Variants in AK7 observed in about 807,000 individuals in gnomAD.
AK7 encodes adenylate kinase 7.
Under a neutral mutation model 96.6 loss-of-function variants are expected in AK7, and 78 were observed. The ratio of observed to expected loss-of-function variants is 0.81; its 90% CI spans 0.67 to 0.97. AK7 has a LOEUF of 0.97. Ranked by LOEUF, AK7 falls within the 50% of genes least tolerant of loss-of-function variation. The pLI, the probability that AK7 is intolerant of heterozygous loss-of-function variation, is 0.00. For synonymous variants in AK7, 302 were observed against 317.2 expected, an observed-to-expected ratio of 0.95 and a Z score of 0.51; for missense variants, 855 against 887.9, an observed-to-expected ratio of 0.96 and a Z score of 0.47.
At chr14:96,449,526 C>T (rs1893458968) in intron 8 of AK7, among the ~76,000 whole-genome samples, 1 of 152,200 alleles carries the variant, frequency 6.6e-6, no homozygotes, top group Admixed American at 6.5e-5. Flanking sequence ...CTCTGTCTCT[C>T]AGGTTCAAGC....
At chr14:96,456,238 C>CAA (rs56356389) in intron 10 of AK7, 109 bp from the exon 11 acceptor site, 163 of 397,892 alleles carry the variant, frequency 4.1e-4, no homozygotes, top group South Asian at 7.9e-4. Flanking sequence ...GACTCTGTCT[C>CAA]AAAAAAAAAA....
chr14:96,473,706 A>C (rs1895029188), intron 14 of AK7, among the ~76,000 whole-genome samples: 2 of 152,198 alleles, frequency 1.3e-5, no homozygotes. Context: ...CCCTGTGGGA[A>C]CGTTGTCTTC....
In AK7 at chr14:96,454,003, G is replaced by A. The variant is rs138201063; in HGVS notation, c.1099-2344G>A. On this transcript the variant is annotated intron_variant, in intron 10 of 17. Coordinates refer to ENST00000267584, the MANE Select transcript of AK7 (RefSeq NM_152327.5). Reference sequence around the variant, plus strand: ...CTGCCTGCCATCATCCCTATCTGACGGGGCCGCACTCCTCACCAGAACCAT... The same window carrying A: ...CTGCCTGCCATCATCCCTATCTGACAGGGCCGCACTCCTCACCAGAACCAT... 2.6e-4 allele frequency among the ~76,000 whole-genome samples: 40 copies of A among 152,082 alleles called. No individual in the cohort carries two copies. The East Asian group carries it at 4.7e-3, about 18-fold the overall frequency.
At chr14:96,457,516 A>G (rs1893999887) in intron 11 of AK7, among the ~76,000 whole-genome samples, 1 of 152,140 alleles carries the variant, frequency 6.6e-6, no homozygotes, top group African/African-American at 2.4e-5. Context: ...TGAAAACACA[A>G]CACTCTACAG....
chr14:96,485,529 A>C (rs1339923408), intron 16 of AK7, among the ~76,000 whole-genome samples: 1 of 152,196 alleles, frequency 6.6e-6, no homozygotes, highest in Non-Finnish European at 1.5e-5. Flanking sequence ...TGGTGACTAA[A>C]GAGGTAATAT....
Position 96,438,230 on chromosome 14 carries a change from G to A in AK7, c.690+315G>A, listed in dbSNP as rs10138447. On this transcript the variant is annotated intron_variant, in intron 6 of 17. Coordinates refer to ENST00000267584, the MANE Select transcript of AK7 (RefSeq NM_152327.5). ...AAAATAATAAAGTCCCTCCTCTTGC[G>A]AAGCTTACATTCTAGGGGGATGGAG... 2.6e-3 allele frequency among the ~76,000 whole-genome samples: 403 copies of A among 152,258 alleles called. 3 individuals are homozygous for A. Among genetic ancestry groups the A allele is most frequent in the African/African-American group, 4.9e-3 (202 of 41,554 alleles).
At position 96,392,227 on chromosome 14, in the gene AK7, T is replaced by C. The variant is rs768148434; in HGVS notation, c.73T>C (p.Leu25=). 8.1e-6 allele frequency: 13 copies of C among 1,613,458 alleles called. No individual in the cohort carries two copies. In the East Asian group the frequency reaches 2.9e-4, roughly 36 times the overall value. ...GACCCAGAGGGTGTTTATAAACCTG[T>C]TGGATTCCTACAGCAGCGGAAACAT... ...IRTQRVFINL[L]DSYSSGNIGK... The change falls in exon 1 of 18, where the codon TTG becomes CTG. Residue 25 remains leucine (L), a synonymous_variant. Coordinates refer to ENST00000267584, the MANE Select transcript of AK7 (RefSeq NM_152327.5).
At chr14:96,414,763 T>G (rs1595383587) in intron 4 of AK7, among the ~76,000 whole-genome samples, 2 of 145,008 alleles carry the variant, frequency 1.4e-5, no homozygotes, top group African/African-American at 5.1e-5. Context: ...CCTTCTTTTT[T>G]TTTTTTTTTT....
At chr14:96,405,058 A>T in intron 3 of AK7, 193 bp downstream of exon 3, 1 of 329,028 alleles carries the variant, frequency 3.0e-6, no homozygotes, top group Non-Finnish European at 5.6e-6. Flanking sequence ...ATTATCAAAA[A>T]AATGAAGGCC....
intron 5 of AK7, among the ~76,000 whole-genome samples, chr14:96,421,230 T>C (rs1891672268): frequency 1.3e-5 from 2 of 152,180 alleles, no homozygotes; most frequent in Admixed American, 1.3e-4. Flanking sequence ...ACATTTTCCC[T>C]GTTCCCAGAA....
At chr14:96,408,085 T>A (rs1478465086) in intron 3 of AK7, among the ~76,000 whole-genome samples, 2 of 152,202 alleles carry the variant, frequency 1.3e-5, no homozygotes, top group Non-Finnish European at 2.9e-5. Flanking sequence ...CGTTTCTGCC[T>A]TATCAGTGCT....
intron 14 of AK7, among the ~76,000 whole-genome samples, chr14:96,477,675 C>T (rs908067272): frequency 3.9e-5 from 6 of 152,336 alleles, no homozygotes; most frequent in South Asian, 2.1e-4. Context: ...AAATGGTCAT[C>T]ATTATTAACA....
chr14:96,430,480 G>A (rs922129812), intron 5 of AK7, among the ~76,000 whole-genome samples: 5 of 152,202 alleles, frequency 3.3e-5, no homozygotes, highest in South Asian at 2.1e-4. Flanking sequence ...GAGCCACCAC[G>A]CCTGGCCAGG....
chr14:96,405,659 C>T (rs757854581), intron 3 of AK7, among the ~76,000 whole-genome samples: 18 of 152,054 alleles, frequency 1.2e-4, no homozygotes, highest in Non-Finnish European at 2.4e-4. Flanking sequence ...AAGGGGGGTG[C>T]GCTCACAAGG....
chr14:96,394,472 A>G (rs1473424467), intron 1 of AK7, among the ~76,000 whole-genome samples: 1 of 152,196 alleles, frequency 6.6e-6, no homozygotes, highest in East Asian at 1.9e-4. Flanking sequence ...GAAGGGGCCC[A>G]GGGAGCCCAG....
intron 5 of AK7, among the ~76,000 whole-genome samples, chr14:96,432,648 A>G (rs1052856540): frequency 6.6e-6 from 1 of 151,994 alleles, no homozygotes; most frequent in Non-Finnish European, 1.5e-5. Context: ...TACGAAGCTT[A>G]GTTTGGCTGG....
intron 1 of AK7, among the ~76,000 whole-genome samples, chr14:96,393,634 C>T (rs1005516022): frequency 6.6e-6 from 1 of 152,146 alleles, no homozygotes; most frequent in Non-Finnish European, 1.5e-5. Flanking sequence ...TCAAAACTTC[C>T]CTCTTCTCAT....
At chr14:96,481,869 T>G (rs1895524979) in intron 15 of AK7, among the ~76,000 whole-genome samples, 1 of 151,958 alleles carries the variant, frequency 6.6e-6, no homozygotes, top group Admixed American at 6.6e-5. Context: ...CACACCAGGC[T>G]AATTTTTGTA....
chr14:96,395,688 T>C (rs1242355422), intron 1 of AK7, among the ~76,000 whole-genome samples: 2 of 105,572 alleles, frequency 1.9e-5, no homozygotes, highest in African/African-American at 3.8e-5. Context: ...CTGGGAGGTA[T>C]ACATAGGGCA....
Sources: gnomAD v4.1 joint callset for allele counts (sites outside exome capture counted in the v4.1 genomes callset) on GRCh38, gnomAD v4.1.1 for gene constraint, MANE v1.5 for transcripts, NCBI Gene and HGNC (gene_info 2026-07-23, HGNC 2026-07-21) for gene names.